AGBL1: variants seen among roughly 807,000 people sequenced by gnomAD.
AGBL1 encodes AGBL carboxypeptidase 1, also known as cytosolic carboxypeptidase 4.
In AGBL1, 130 loss-of-function variants were observed where a neutral mutation model predicts 118.9. The observed-to-expected ratio is 1.09, with a 90% CI of 0.95 to 1.26. The LOEUF is 1.26. Among genes scored for constraint, AGBL1 ranks in the 50% most tolerant of loss-of-function variants. The probability of loss-of-function intolerance (pLI) is 0.00; values close to 1 mark genes in which losing one functional copy is unlikely to be tolerated. For synonymous variants in AGBL1, 555 were observed against 478.9 expected, an observed-to-expected ratio of 1.16 and a Z score of -2.08; for missense variants, 1,584 against 1,298.1, an observed-to-expected ratio of 1.22 and a Z score of -3.38.
chr15:86,153,857 G>T (rs1052577708), intron 3 of AGBL1, among the ~76,000 whole-genome samples: 3 of 152,044 alleles, frequency 2.0e-5, no homozygotes, highest in South Asian at 2.1e-4. Context: ...GAAATTGCAG[G>T]TTAGCATTTT....
chr15:86,720,450 G>A (rs914522081), intron 22 of AGBL1, among the ~76,000 whole-genome samples: 25 of 152,134 alleles, frequency 1.6e-4, no homozygotes, highest in African/African-American at 5.6e-4. Flanking sequence ...AAGTTCTCAA[G>A]TATTCCTTCT....
chr15:86,150,090 A>G (rs1342497940), intron 3 of AGBL1, among the ~76,000 whole-genome samples: 4 of 152,232 alleles, frequency 2.6e-5, no homozygotes, highest in African/African-American at 9.6e-5. Context: ...GAGAAAAAAG[A>G]CACAATGTAC....
At chr15:86,932,433 A>C (rs2080617210) in intron 23 of AGBL1, among the ~76,000 whole-genome samples, 1 of 152,208 alleles carries the variant, frequency 6.6e-6, no homozygotes, top group Admixed American at 6.5e-5. Flanking sequence ...TGTGTGGATA[A>C]GCTGATTTGA....
At position 86,800,064 on chromosome 15, in the gene AGBL1, C is replaced by T. The variant is rs142239745; in HGVS notation, c.3159-107023C>T. ...TTCATTATTCTCATTTTTCATCTTA[C>T]AGCAGCCAATATCATGCTTGTTTAC... On this transcript the variant is annotated intron_variant, in intron 22 of 22. Coordinates refer to ENST00000614907, the MANE Select transcript of AGBL1 (RefSeq NM_001386094.1). 9.8e-3 allele frequency among the ~76,000 whole-genome samples: 1,486 copies of T among 152,166 alleles called. 23 individuals carry two copies. The highest frequency in any genetic ancestry group is 0.061 in the Middle Eastern group (18 of 294).
intron 22 of AGBL1, among the ~76,000 whole-genome samples, chr15:86,795,091 C>T (rs992041495): frequency 2.0e-5 from 3 of 152,166 alleles, no homozygotes; most frequent in Non-Finnish European, 4.4e-5. Context: ...AAAAAAGTGG[C>T]TATCAAAATT....
At chr15:87,005,929 G>T (rs1185350567) in intron 24 of AGBL1, among the ~76,000 whole-genome samples, 1 of 152,202 alleles carries the variant, frequency 6.6e-6, no homozygotes, top group African/African-American at 2.4e-5. Flanking sequence ...ACCCTCAGCT[G>T]CAGGTCTGTT....
chr15:86,439,813 G>T (rs1216366476), intron 18 of AGBL1, among the ~76,000 whole-genome samples: 1 of 152,144 alleles, frequency 6.6e-6, no homozygotes, highest in Non-Finnish European at 1.5e-5. Flanking sequence ...TCAGGCCTCA[G>T]TCGCTCAAAC....
At chr15:86,438,500 A>C (rs1287955985) in intron 18 of AGBL1, among the ~76,000 whole-genome samples, 4 of 152,166 alleles carry the variant, frequency 2.6e-5, no homozygotes, top group Admixed American at 2.6e-4. Context: ...TACCAGATTT[A>C]ACAAGTAAAA....
At chr15:86,949,610 A>G (rs545180682) in intron 23 of AGBL1, among the ~76,000 whole-genome samples, 1 of 152,270 alleles carries the variant, frequency 6.6e-6, no homozygotes, top group African/African-American at 2.4e-5. Flanking sequence ...GGGTTACATA[A>G]TAACAAAAGG....
intron 1 of AGBL1, chr15:86,107,425 C>G (rs1897115375): frequency 6.6e-6 from 1 of 152,158 alleles, no homozygotes; most frequent in African/African-American, 2.4e-5. Context: ...GTGTCCTCAT[C>G]TATAAAATGA....
intron 22 of AGBL1, among the ~76,000 whole-genome samples, chr15:86,768,147 A>G (rs998334464): frequency 6.6e-5 from 10 of 151,936 alleles, no homozygotes; most frequent in African/African-American, 2.4e-4. Context: ...ATTACAGCTG[A>G]TGGGAATAGT....
intron 19 of AGBL1, among the ~76,000 whole-genome samples, chr15:86,539,579 C>T (rs1008393446): frequency 3.3e-5 from 5 of 152,206 alleles, no homozygotes; most frequent in African/African-American, 1.2e-4. Flanking sequence ...AGTGCATTAA[C>T]GATCTGACCA....
At chr15:86,504,734 T>C (rs1456269998) in intron 18 of AGBL1, among the ~76,000 whole-genome samples, 2 of 151,708 alleles carry the variant, frequency 1.3e-5, no homozygotes, top group Admixed American at 6.6e-5. Context: ...TACGTCTTCA[T>C]ATATTGTAGA....
Position 86,747,635 on chromosome 15 carries a change from C to T in AGBL1, c.3158+73199C>T, listed in dbSNP as rs192573142. ...TAATGCTTTCCCTCCCTCCTCCCCA[C>T]ACCCCACAACAGGCCCCAGTGTGTG... On this transcript the variant is annotated intron_variant, in intron 22 of 22. Transcript: ENST00000614907. Among the ~76,000 whole-genome samples the T allele has an allele frequency of 8.6e-4, 131 of 152,208 alleles. No individual in the cohort carries two copies. The Middle Eastern group carries it at 0.01, about 12-fold the overall frequency.
At chr15:86,667,242 G>GTATCTATCTATCTATCTATCTATCTATC (rs1331835283) in intron 21 of AGBL1, among the ~76,000 whole-genome samples, 11 of 112,940 alleles carry the variant, frequency 9.7e-5, no homozygotes, top group African/African-American at 3.3e-4. Flanking sequence ...ATGTATGTAT[G>GTATCTATCTATCTATCTATCTATCTATC]TATGTATGTA....
chr15:86,205,606 A>G (rs1037423527), intron 5 of AGBL1, among the ~76,000 whole-genome samples: 4 of 152,190 alleles, frequency 2.6e-5, no homozygotes, highest in Admixed American at 1.3e-4. Context: ...CTCCATCCTC[A>G]CCATTCGTCG....
chr15:86,474,835 A>C (rs1458055765), intron 18 of AGBL1, among the ~76,000 whole-genome samples: 1 of 152,230 alleles, frequency 6.6e-6, no homozygotes, highest in Admixed American at 6.5e-5. Context: ...CAGTAGGGGC[A>C]GACTGACACC....
chr15:86,839,523 G>T (rs901728056), intron 22 of AGBL1, among the ~76,000 whole-genome samples: 1 of 152,126 alleles, frequency 6.6e-6, no homozygotes, highest in Non-Finnish European at 1.5e-5. Flanking sequence ...GGGTTTCTCA[G>T]CTTTCGCACT....
intron 19 of AGBL1, among the ~76,000 whole-genome samples, chr15:86,526,542 G>GTATATATA (rs1261876704): frequency 0.02 from 841 of 41,258 alleles, 16 homozygotes; most frequent in African/African-American, 0.053. Context: ...GTTTGTGTCT[G>GTATATATA]TGTATATATA....
Sources: gnomAD v4.1 joint callset for allele counts (sites outside exome capture counted in the v4.1 genomes callset) on GRCh38, gnomAD v4.1.1 for gene constraint, MANE v1.5 for transcripts, NCBI Gene and HGNC (gene_info 2026-07-23, HGNC 2026-07-21) for gene names.